The following NSMAF variants were observed in gnomAD, a reference collection of about 807,000 sequenced individuals.
NSMAF encodes protein FAN.
In NSMAF, 90 loss-of-function variants were observed where a neutral mutation model predicts 134.9. The ratio of observed to expected loss-of-function variants is 0.67; its 90% confidence interval spans 0.56 to 0.79. The LOEUF is 0.79. Ranked by LOEUF, NSMAF falls within the 30% of genes least tolerant of loss-of-function variation. NSMAF has a pLI of 0.00. For missense variants in NSMAF, 1,010 were observed against 1,119.0 expected (o/e 0.90, Z 1.39); for synonymous variants, 358 against 389.6 (o/e 0.92, Z 0.96).
rs769154954 is a variant in NSMAF, at chr8:58,587,710, G to A, written c.2212-9C>T. ...GGAACACCAGACCACACCTAGGATG[G>A]AACATATTGCAGAAGGTATTTTCAA... On this transcript the variant is annotated splice_polypyrimidine_tract_variant and intron_variant, in intron 26 of 30. Transcript: ENST00000038176. 6.2e-7 allele frequency: 1 copy of A among 1,611,076 alleles called. No individual in the cohort carries two copies. Among genetic ancestry groups the A allele is most frequent in the South Asian group, 1.1e-5 (1 of 90,726 alleles).
At chr8:58,589,948 G>T in intron 25 of NSMAF, 59 bp downstream of exon 25, 1 of 1,434,090 alleles carries the variant, frequency 7.0e-7, no homozygotes, top group African/African-American at 1.4e-5. Context: ...CACACCTCAT[G>T]TCCACAGAGG....
intron 1 of NSMAF, among the ~76,000 whole-genome samples, chr8:58,652,670 C>T (rs553230458): frequency 6.6e-6 from 1 of 152,160 alleles, no homozygotes. Flanking sequence ...CTATCACTGA[C>T]CTTTCTCTGT....
Position 58,587,716 on chromosome 8 carries a change from A to G in NSMAF, c.2212-15T>C, listed in dbSNP as rs777136803. ...CCAGACCACACCTAGGATGGAACAT[A>G]TTGCAGAAGGTATTTTCAAACATTT... On this transcript the variant is annotated splice_polypyrimidine_tract_variant and intron_variant, in intron 26 of 30. Transcript: ENST00000038176. 1 of 1,606,956 alleles carries G rather than the reference A, an allele frequency of 6.2e-7. No homozygotes were observed. The highest frequency in any genetic ancestry group is 1.1e-5 in the South Asian group (1 of 90,220).
At chr8:58,647,143 C>A (rs550667504) in intron 1 of NSMAF, among the ~76,000 whole-genome samples, 3 of 152,354 alleles carry the variant, frequency 2.0e-5, no homozygotes, top group Admixed American at 2.0e-4. Flanking sequence ...GTAACCCAAA[C>A]TTATTGGGAG....
intron 5 of NSMAF, among the ~76,000 whole-genome samples, chr8:58,634,274 T>C (rs1242190370): frequency 6.6e-6 from 1 of 152,244 alleles, no homozygotes; most frequent in East Asian, 1.9e-4. Flanking sequence ...AATCATCTGC[T>C]ACCTCTCAGC....
intron 9 of NSMAF, among the ~76,000 whole-genome samples, chr8:58,620,823 C>G (rs1034738283): frequency 6.6e-6 from 1 of 152,100 alleles, no homozygotes; most frequent in East Asian, 1.9e-4. Flanking sequence ...TAATGGGGGT[C>G]TGGGAAAATG....
At chr8:58,658,633 A>G (rs968314922) in intron 1 of NSMAF, among the ~76,000 whole-genome samples, 3 of 152,198 alleles carry the variant, frequency 2.0e-5, no homozygotes, top group Non-Finnish European at 4.4e-5. Flanking sequence ...TGGCTCTCAC[A>G]ATCAAAACAG....
At position 58,607,787 on chromosome 8, in the gene NSMAF, C is replaced by A. The variant is rs188805433; in HGVS notation, c.741G>T (p.Arg247Ser). The change falls in exon 11 of 31, where the codon AGG (arginine) becomes AGT (serine). Residue 247 changes from arginine to serine, a missense_variant. By Grantham distance (110) the Arg-to-Ser change is moderately radical. Transcript: ENST00000038176. ...GACTCACCAGAGGCATGAGGCCGTG[C>A]CTCCTTTTGTAGATGCGGCGGACAT... ...LQDVRRIYKR[R>S]HGLMPLGLEV... 3.5e-5 allele frequency: 56 copies of A among 1,614,100 alleles called. No homozygotes were observed. The highest frequency in any genetic ancestry group is 3.3e-4 in the Admixed American group (20 of 60,024).
At chr8:58,611,886 C>T (rs1319400853) in intron 9 of NSMAF, among the ~76,000 whole-genome samples, 1 of 152,114 alleles carries the variant, frequency 6.6e-6, no homozygotes, top group Non-Finnish European at 1.5e-5. Context: ...TGGCTGAGAA[C>T]TGATGAAAGA....
intron 1 of NSMAF, among the ~76,000 whole-genome samples, chr8:58,656,949 C>A (rs947673508): frequency 6.6e-6 from 1 of 152,014 alleles, no homozygotes; most frequent in Non-Finnish European, 1.5e-5. Flanking sequence ...CATATACTAT[C>A]GCAATTACTT....
At chr8:58,586,131 A>C in intron 28 of NSMAF, 131 bp from the exon 29 acceptor site, 1 of 756,758 alleles carries the variant, frequency 1.3e-6, no homozygotes, top group Non-Finnish European at 2.3e-6. Context: ...GTACTTAAGC[A>C]ATGACTATCC....
At chr8:58,623,980 A>G (rs1182972559) in intron 6 of NSMAF, among the ~76,000 whole-genome samples, 200 bp from the exon 7 acceptor site, 1 of 151,786 alleles carries the variant, frequency 6.6e-6, no homozygotes, top group East Asian at 1.9e-4. Context: ...TCCTTCTTCT[A>G]ACTTTGGGTT....
chr8:58,629,484 G>A (rs1028958356), intron 6 of NSMAF, among the ~76,000 whole-genome samples: 1 of 151,996 alleles, frequency 6.6e-6, no homozygotes, highest in Non-Finnish European at 1.5e-5. Flanking sequence ...CAATAGTTTT[G>A]AATTCCTTGT....
chr8:58,615,496 C>T (rs2129143216), intron 9 of NSMAF, among the ~76,000 whole-genome samples: 1 of 152,188 alleles, frequency 6.6e-6, no homozygotes, highest in Middle Eastern at 3.4e-3. Context: ...ATTCTCTGAT[C>T]AGATATTAAA....
At chr8:58,587,230 G>T (rs970484449) in intron 27 of NSMAF, among the ~76,000 whole-genome samples, 2 of 152,208 alleles carry the variant, frequency 1.3e-5, no homozygotes, top group African/African-American at 4.8e-5. Context: ...CCCACTGTTG[G>T]ATGGGTGTCT....
At chr8:58,639,308 AG>A in intron 2 of NSMAF, among the ~76,000 whole-genome samples, 1 of 151,920 alleles carries the variant, frequency 6.6e-6, no homozygotes, top group African/African-American at 2.4e-5. Context: ...AAGAAGAAGA[AG>A]AAGAAGAAGA....
At chr8:58,650,140 T>C (rs1807550962) in intron 1 of NSMAF, among the ~76,000 whole-genome samples, 1 of 152,240 alleles carries the variant, frequency 6.6e-6, no homozygotes, top group African/African-American at 2.4e-5. Context: ...CCTCTTTCAG[T>C]CTGAAGATTA....
intron 11 of NSMAF, 75 bp downstream of exon 11, chr8:58,607,694 G>T: frequency 1.8e-6 from 2 of 1,117,026 alleles, no homozygotes; most frequent in Non-Finnish European, 2.7e-6. Context: ...TCCCATAAGT[G>T]TTTACCGTCA....
chr8:58,588,143 C>T (rs1411244466), intron 26 of NSMAF, among the ~76,000 whole-genome samples: 1 of 152,124 alleles, frequency 6.6e-6, no homozygotes, highest in Non-Finnish European at 1.5e-5. Context: ...ATTTTAGGTT[C>T]TTGCTTTCTT....
Sources: allele counts gnomAD v4.1 joint callset (sites outside exome capture counted in the v4.1 genomes callset), GRCh38; gene constraint gnomAD v4.1.1; transcripts MANE v1.5; gene names NCBI Gene and HGNC (gene_info 2026-07-23, HGNC 2026-07-21).